Variants in YJU2B observed in about 807,000 individuals in gnomAD.
YJU2B encodes the protein YJU2 splicing factor homolog B.
A neutral mutation model predicts 38.0 loss-of-function variants in YJU2B; 18 were observed. The observed-to-expected ratio is 0.47, with a 90% CI of 0.33 to 0.70. The LOEUF is 0.70. YJU2B is among the 30% of genes least tolerant of loss of function. The pLI is 0.02. For missense variants in YJU2B, 538 were observed against 556.3 expected, an observed-to-expected ratio of 0.97 and a Z score of 0.33; for synonymous variants, 246 against 225.4, an observed-to-expected ratio of 1.09 and a Z score of -0.82.
intron 2 of YJU2B, among the ~76,000 whole-genome samples, chr19:13,738,450 T>C (rs965357005): frequency 6.6e-6 from 1 of 152,162 alleles, no homozygotes; most frequent in African/African-American, 2.4e-5. Flanking sequence ...TTGTGTTGAG[T>C]TCCTTTGCCA....
In YJU2B at chr19:13,762,872, C is replaced by T. The variant is rs187312409; in HGVS notation, c.995C>T (p.Ser332Phe). 5.0e-6 allele frequency: 8 copies of T among 1,609,576 alleles called. No individual in the cohort carries two copies. The highest frequency in any genetic ancestry group is 2.2e-5 in the South Asian group (2 of 90,622). The change falls in exon 10 of 10, where the codon TCC (serine) becomes TTC (phenylalanine). Residue 332 changes from serine to phenylalanine, a missense_variant. By Grantham distance (155) the Ser-to-Phe change is radical. Around this residue, in one of 2 missense-constraint regions of YJU2B, gnomAD observed 488 missense variants for 469.5 expected, o/e 1.04. Transcript: ENST00000221554. The stretch of plus-strand genomic sequence containing the variant: ...GAGGCTGCCCAGGACCGGCCCATGT[C>T]CCCCGGAGACTGTCCTCCGGAAACA... ...PEEAAQDRPM[S>F]PGDCPPETTE...
Position 13,762,909 on chromosome 19 carries a change from C to T in YJU2B, c.1032C>T (p.Pro344=). 1 of 1,611,848 alleles carries T rather than the reference C, an allele frequency of 6.2e-7. No homozygotes were observed. Among genetic ancestry groups the T allele is most frequent in the Admixed American group, 1.7e-5 (1 of 59,908 alleles). The part of the protein sequence containing the change: ...GDCPPETTET[P]KCSSPRGQEG... ...GTCCTCCGGAAACAACTGAGACCCC[C>T]AAGTGCAGCAGCCCGAGGGGGCAGG... The change falls in exon 10 of 10, where the codon CCC becomes CCT. Residue 344 remains proline (P), a synonymous_variant. Transcript: ENST00000221554.
chr19:13,735,770 C>T (rs866942081), intron 2 of YJU2B, among the ~76,000 whole-genome samples: 6 of 152,128 alleles, frequency 3.9e-5, no homozygotes, highest in Middle Eastern at 3.4e-3. Flanking sequence ...TGGCCTCTTG[C>T]GGCCGGGTGC....
chr19:13,743,295 C>G (rs1182831004), upstream of YJU2B, among the ~76,000 whole-genome samples: 1 of 152,200 alleles, frequency 6.6e-6, no homozygotes, highest in Non-Finnish European at 1.5e-5. Flanking sequence ...ATTTAAACAT[C>G]TAGGCAGGGC....
chr19:13,733,629 G>A (rs763442060), intron 2 of YJU2B, among the ~76,000 whole-genome samples: 14 of 152,172 alleles, frequency 9.2e-5, no homozygotes, highest in Middle Eastern at 3.2e-3. Context: ...GCTGAAGCAG[G>A]AGAATCGCAT....
Position 13,758,937 on chromosome 19 carries a change from C to T in YJU2B, c.327C>T (p.Tyr109=), listed in dbSNP as rs1231826222. The T allele has an allele frequency of 8.7e-6, 14 of 1,613,924 alleles. No homozygotes were observed. The highest frequency in any genetic ancestry group is 3.3e-5 in the Admixed American group (2 of 59,974). Reference sequence around the variant, plus strand: ...AGACGGACCCCGCCAACTGCGACTACGTGATCGTGAGTGGCGCCCAGCGCA... The same window carrying T: ...AGACGGACCCCGCCAACTGCGACTATGTGATCGTGAGTGGCGCCCAGCGCA... The part of the protein sequence containing the change: ...EMQTDPANCD[Y]VIVSGAQRKE... Residue 109 remains tyrosine (Y), a synonymous_variant, in exon 7 of 10, where the codon TAC becomes TAT. Transcript: ENST00000221554.
In YJU2B at chr19:13,756,276, T is replaced by C; in HGVS notation, c.137T>C (p.Ile46Thr). The C allele has an allele frequency of 6.2e-7, 1 of 1,613,784 alleles. No homozygotes were observed. The highest frequency in any genetic ancestry group is 1.7e-5 in the Admixed American group (1 of 60,004). Residue 46 changes from isoleucine to threonine, a missense_variant, in exon 4 of 10, where the codon ATC becomes ACC. This residue lies in a region of YJU2B where 50 missense variants were observed against 86.9 expected (regional missense o/e 0.58). Coordinates refer to ENST00000221554, the MANE Select transcript of YJU2B (RefSeq NM_030818.4). ...ARKLSQGILI[I>T]RFEMPYNIWC... ...AAGCTGTCACAGGGCATCCTCATCA[T>C]CCGGTAAGGCCCAGCATCACCTGAG...
At chr19:13,733,057 G>A (rs1357381266) in intron 2 of YJU2B, among the ~76,000 whole-genome samples, 1 of 151,582 alleles carries the variant, frequency 6.6e-6, no homozygotes, top group Non-Finnish European at 1.5e-5. Context: ...AGCCTCCCGA[G>A]TAGCTGGGAC....
At chr19:13,744,299 G>A (rs907588564), upstream of YJU2B, among the ~76,000 whole-genome samples, 1 of 152,176 alleles carries the variant, frequency 6.6e-6, no homozygotes, top group Non-Finnish European at 1.5e-5. Flanking sequence ...ACTGGTTAGG[G>A]GAAGTAACTT....
rs543590685 is a variant in YJU2B at position 13,751,907 on chromosome 19, G to T, written c.3+96G>T. The T allele has an allele frequency of 3.2e-6, 4 of 1,233,234 alleles. No individual in the cohort carries two copies. The African/African-American group carries it at 4.4e-5, about 14-fold the overall frequency. 76.4% of individuals were successfully genotyped at this position (1,233,234 alleles called of 1,614,324 possible). A position where few individuals can be genotyped will look rare whatever the true frequency, so the allele number is the denominator to read the frequency against. The stretch of plus-strand genomic sequence containing the variant: ...TCCCCTCCCAGAGCTCTAAGATGAT[G>T]ATTTCAATCTCCGGGTCATCATCTT... On this transcript the variant is annotated intron_variant, in intron 2 of 9. Coordinates refer to ENST00000221554, the MANE Select transcript of YJU2B (RefSeq NM_030818.4).
intron 8 of YJU2B, chr19:13,759,477 A>G: frequency 5.7e-6 from 3 of 525,934 alleles, no homozygotes; most frequent in Non-Finnish European, 9.9e-6. Context: ...AAACAGTAGA[A>G]ATTTGGCTGG....
At chr19:13,759,797 A>ATAT (rs1973819871) in intron 8 of YJU2B, among the ~76,000 whole-genome samples, 1 of 129,854 alleles carries the variant, frequency 7.7e-6, no homozygotes, top group African/African-American at 3.0e-5. Flanking sequence ...CGCCTGGCTA[A>ATAT]TTTTTTTTTT....
At chr19:13,738,657 C>T (rs893920244) in intron 2 of YJU2B, among the ~76,000 whole-genome samples, 2 of 151,516 alleles carry the variant, frequency 1.3e-5, no homozygotes, top group African/African-American at 2.4e-5. Flanking sequence ...TTTGGGAGGC[C>T]GAGGCGGGCA....
rs1973923870 is a variant in YJU2B at position 13,762,369 on chromosome 19, TC to T, written c.647del (p.Pro216ArgfsTer16). 1 of 1,613,804 alleles carries T rather than the reference TC, an allele frequency of 6.2e-7. No individual in the cohort carries two copies. Among genetic ancestry groups the T allele is most frequent in the Non-Finnish European group, 8.5e-7 (1 of 1,179,994 alleles). Reference sequence around the variant, plus strand: ...TTGCAGGCCAAGGCGAGCCTGACCATCCCGCTGGTGCCCGAGACGGAAGATG... The same window carrying T: ...TTGCAGGCCAAGGCGAGCCTGACCATCCGCTGGTGCCCGAGACGGAAGATG... The part of the protein sequence containing the change: ...QALQAKASLT[I>X]PLVPETEDDR... On this transcript the variant is annotated frameshift_variant, in exon 9 of 10. Transcript: ENST00000221554. LOFTEE classifies it high-confidence loss of function.
chr19:13,757,430 A>C lies in YJU2B; in HGVS notation c.153A>C (p.Pro51=), dbSNP rs1335005743. The change falls in exon 5 of 10, where the codon CCA becomes CCC. Residue 51 remains proline, a synonymous_variant. Transcript: ENST00000221554. ...TCTGTCTTTGCAGATTCGAAATGCCATATAACATCTGGTGCGATGGCTGCA... is the reference window on the plus strand; with the variant it reads ...TCTGTCTTTGCAGATTCGAAATGCCCTATAACATCTGGTGCGATGGCTGCA... ...QGILIIRFEM[P]YNIWCDGCKN... is the part of the protein sequence containing the mutation. 1 of 1,613,932 alleles carries C rather than the reference A, an allele frequency of 6.2e-7. No individual in the cohort carries two copies. Among genetic ancestry groups the C allele is most frequent in the African/African-American group, 1.3e-5 (1 of 74,926 alleles).
chr19:13,736,223 C>A (rs539476973), intron 2 of YJU2B, among the ~76,000 whole-genome samples: 106 of 150,188 alleles, frequency 7.1e-4, no homozygotes, highest in African/African-American at 2.4e-3. Context: ...TTAATTAATT[C>A]TCTAGAGCAT....
In YJU2B at chr19:13,762,828, G is replaced by A. The variant is rs559476418; in HGVS notation, c.951G>A (p.Gly317=). The A allele has an allele frequency of 6.9e-6, 11 of 1,604,750 alleles. No individual in the cohort carries two copies. In the South Asian group the frequency reaches 1.0e-4, roughly 15 times the overall value. The part of the protein sequence containing the change: ...PQHAADTPKS[G]EPRVPEEAAQ... ...ATGCGGCCGACACCCCCAAGTCTGGGGAACCGCGGGTACCAGAGGAGGCTG... is the reference window on the plus strand; with the variant it reads ...ATGCGGCCGACACCCCCAAGTCTGGAGAACCGCGGGTACCAGAGGAGGCTG... The change falls in exon 10 of 10, where the codon GGG becomes GGA. Residue 317 remains glycine (G), a synonymous_variant. Coordinates refer to ENST00000221554, the MANE Select transcript of YJU2B (RefSeq NM_030818.4).
At chr19:13,738,368 T>G (rs1973008174) in intron 2 of YJU2B, among the ~76,000 whole-genome samples, 1 of 152,228 alleles carries the variant, frequency 6.6e-6, no homozygotes, top group Non-Finnish European at 1.5e-5. Flanking sequence ...GATTTTCTTC[T>G]GATTCTTGGT....
chr19:13,752,346 G>A (rs754700875), intron 2 of YJU2B, among the ~76,000 whole-genome samples: 4 of 150,414 alleles, frequency 2.7e-5, no homozygotes, highest in African/African-American at 9.8e-5. Flanking sequence ...AGTGGCTCAC[G>A]CCTGTAATAC....
Sources: allele counts gnomAD v4.1 joint callset (sites outside exome capture counted in the v4.1 genomes callset), GRCh38; gene constraint gnomAD v4.1.1; regional missense constraint gnomAD v4.1.1; transcripts MANE v1.5; gene names NCBI Gene and HGNC (gene_info 2026-07-23, HGNC 2026-07-21).